The following EYA1 variants were observed in gnomAD, a reference collection of about 807,000 sequenced individuals.
EYA1 encodes the protein EYA transcriptional coactivator and phosphatase 1.
A neutral mutation model predicts 82.0 loss-of-function variants in EYA1; 16 were observed. The ratio of observed to expected loss-of-function variants is 0.20; its 90% CI spans 0.13 to 0.30. The LOEUF (loss-of-function observed/expected upper bound fraction) is 0.30, where lower values mean the gene tolerates loss of function less well. EYA1 is among the 10% of genes least tolerant of loss of function. EYA1 has a pLI of 1.00. For synonymous variants in EYA1, 261 were observed against 264.4 expected, an observed-to-expected ratio of 0.99 and a Z score of 0.12; for missense variants, 633 against 730.7, an observed-to-expected ratio of 0.87 and a Z score of 1.54.
chr8:71,405,227 C>T (rs542269010), intron 2 of EYA1, among the ~76,000 whole-genome samples: 1 of 151,850 alleles, frequency 6.6e-6, no homozygotes, highest in East Asian at 1.9e-4. Context: ...TTCAGCTAGT[C>T]CATTTCAGAT....
chr8:71,361,749 C>A lies in EYA1; in HGVS notation c.-157G>T. On this transcript the variant is annotated 5_prime_UTR_variant, in exon 1 of 18. Coordinates refer to ENST00000340726, the MANE Select transcript of EYA1 (RefSeq NM_000503.6). The stretch of plus-strand genomic sequence containing the variant: ...ATAGTTTTGCTCCTGGATGGGTACG[C>A]GCGGGGGCTCTCAGGCGCTCTGGTG... 2 of 985,518 alleles carry A rather than the reference C, an allele frequency of 2.0e-6. No homozygotes were observed. Among genetic ancestry groups the A allele is most frequent in the South Asian group, 4.7e-5 (1 of 21,288 alleles). The allele number at this position is 985,518 out of a possible 1,614,324, so 61.0% of individuals were successfully genotyped here.
chr8:71,326,072 G>A (rs1378575447), intron 4 of EYA1, among the ~76,000 whole-genome samples: 8 of 152,132 alleles, frequency 5.3e-5, no homozygotes, highest in African/African-American at 9.6e-5. Flanking sequence ...GGGAACATAC[G>A]GACAACCAAT....
At chr8:71,544,875 C>G (rs1481068594) in intron 1 of EYA1, among the ~76,000 whole-genome samples, 1 of 152,164 alleles carries the variant, frequency 6.6e-6, no homozygotes, top group Non-Finnish European at 1.5e-5. Flanking sequence ...TCTCATCTTG[C>G]TAGTTTCTGC....
At chr8:71,322,745 G>A (rs1822724040) in intron 4 of EYA1, among the ~76,000 whole-genome samples, 1 of 152,042 alleles carries the variant, frequency 6.6e-6, no homozygotes, top group Admixed American at 6.6e-5. Flanking sequence ...TCTTCTCTCG[G>A]GTGAGAAGAA....
chr8:71,489,206 T>C (rs1258482163), intron 2 of EYA1, among the ~76,000 whole-genome samples: 2 of 152,226 alleles, frequency 1.3e-5, no homozygotes, highest in Non-Finnish European at 2.9e-5. Flanking sequence ...ACTCTTTTTC[T>C]GGCTTTCCAC....
At chr8:71,298,322 G>C (rs1435776991) in intron 9 of EYA1, among the ~76,000 whole-genome samples, 1 of 152,168 alleles carries the variant, frequency 6.6e-6, no homozygotes, top group Admixed American at 6.5e-5. Context: ...TGAAAGGTAT[G>C]ATTAACTCTT....
intron 2 of EYA1, among the ~76,000 whole-genome samples, chr8:71,460,666 C>G (rs139676243): frequency 3.5e-4 from 53 of 152,296 alleles, no homozygotes; most frequent in African/African-American, 1.2e-3. Context: ...TGAAGTGTTT[C>G]AAAAAGTGCA....
At chr8:71,488,506 A>T (rs922560045) in intron 2 of EYA1, among the ~76,000 whole-genome samples, 1 of 152,226 alleles carries the variant, frequency 6.6e-6, no homozygotes, top group South Asian at 2.1e-4. Context: ...GGTTCAATTT[A>T]TATATGCATC....
intron 2 of EYA1, among the ~76,000 whole-genome samples, chr8:71,438,491 A>G (rs967014265): frequency 1.3e-5 from 2 of 152,156 alleles, no homozygotes; most frequent in African/African-American, 2.4e-5. Flanking sequence ...CCTAAGGATC[A>G]TAAGATTTCG....
intron 7 of EYA1, among the ~76,000 whole-genome samples, chr8:71,313,544 G>A (rs1596720): frequency 0.18 from 28,131 of 152,110 alleles, 3,002 homozygotes; most frequent in Non-Finnish European, 0.24. Context: ...AATCATTTGA[G>A]TTCTTACTAT....
intron 2 of EYA1, among the ~76,000 whole-genome samples, chr8:71,394,695 C>A (rs895036836): frequency 6.6e-5 from 10 of 151,992 alleles, no homozygotes; most frequent in African/African-American, 2.4e-4. Context: ...GTTACTGTAG[C>A]CTTGTAGTAT....
intron 11 of EYA1, among the ~76,000 whole-genome samples, chr8:71,259,450 A>G (rs1814833434): frequency 6.6e-6 from 1 of 152,228 alleles, no homozygotes; most frequent in South Asian, 2.1e-4. Flanking sequence ...GGCAAAATGC[A>G]TAAAAGAAAC....
chr8:71,522,112 G>T (rs1429294429), intron 2 of EYA1, among the ~76,000 whole-genome samples: 4 of 152,158 alleles, frequency 2.6e-5, no homozygotes, highest in Non-Finnish European at 5.9e-5. Flanking sequence ...TGTGCTTTAT[G>T]TGAAACTTTC....
intron 2 of EYA1, among the ~76,000 whole-genome samples, chr8:71,449,925 T>C (rs1447988142): frequency 6.6e-6 from 1 of 152,230 alleles, no homozygotes; most frequent in Non-Finnish European, 1.5e-5. Context: ...TACATTTTTA[T>C]GTTAACCTCA....
At chr8:71,435,905 G>C (rs1296314567) in intron 2 of EYA1, among the ~76,000 whole-genome samples, 1 of 152,090 alleles carries the variant, frequency 6.6e-6, no homozygotes, top group African/African-American at 2.4e-5. Context: ...CCATTGTTAT[G>C]AGGTTCCATT....
Position 71,241,342 on chromosome 8 carries a change from TTAAGA to T in EYA1, c.1140+3256_1140+3260del, listed in dbSNP as rs563971561. 3.3e-3 allele frequency among the ~76,000 whole-genome samples: 497 copies of T among 152,326 alleles called. 6 individuals are homozygous for T. Among genetic ancestry groups the T allele is most frequent in the Non-Finnish European group, 4.5e-3 (306 of 68,024 alleles). ...AATTAACTTAGTTCTTAGAGTTCGA[TTAAGA>T]TATTTCTAAAGTACTTCAAAAATTA... On this transcript the variant is annotated intron_variant, in intron 12 of 17. Coordinates refer to ENST00000340726, the MANE Select transcript of EYA1 (RefSeq NM_000503.6).
chr8:71,232,475 C>T (rs531428771), intron 12 of EYA1, among the ~76,000 whole-genome samples: 31 of 152,276 alleles, frequency 2.0e-4, no homozygotes, highest in African/African-American at 5.1e-4. Flanking sequence ...TCTTTTTACA[C>T]GAAGCCAGCA....
rs1207458813 is a variant in EYA1 at position 71,523,242 on chromosome 8, G to C, written c.33+12502C>G. Among the ~76,000 whole-genome samples the C allele has an allele frequency of 3.5e-5, 5 of 141,326 alleles. No individual in the cohort carries two copies. In the South Asian group the frequency reaches 1.1e-3, roughly 32 times the overall value. 92.7% of individuals were successfully genotyped at this position (141,326 alleles called of 152,430 possible). ...CATCCAGGCTGGAATGCAGTGGCGC[G>C]ATCTCGGCTCACTGCAAGCTCCGCC... On this transcript the variant is annotated intron_variant, in intron 2 of 18. Transcript: ENST00000643681.
chr8:71,518,414 T>G (rs944487350), intron 2 of EYA1, among the ~76,000 whole-genome samples: 1 of 152,158 alleles, frequency 6.6e-6, no homozygotes, highest in Non-Finnish European at 1.5e-5. Context: ...AGAATCTCAG[T>G]GTGCTAAAAC....
Sources: allele counts gnomAD v4.1 joint callset (sites outside exome capture counted in the v4.1 genomes callset), GRCh38; gene constraint gnomAD v4.1.1; transcripts MANE v1.5; gene names NCBI Gene and HGNC (gene_info 2026-07-23, HGNC 2026-07-21).